PDZRN4: variants seen among roughly 807,000 people sequenced by gnomAD.
PDZRN4 encodes PDZ domain containing ring finger 4.
Under a neutral mutation model 99.0 loss-of-function variants are expected in PDZRN4, and 70 were observed. The observed-to-expected ratio is 0.71, with a 90% CI of 0.58 to 0.86. The LOEUF (loss-of-function observed/expected upper bound fraction) is 0.86. Ranked by LOEUF, PDZRN4 falls within the 40% of genes least tolerant of loss-of-function variation. The pLI, the probability that PDZRN4 is intolerant of heterozygous loss-of-function variation, is 0.00. For missense variants in PDZRN4, 1,474 were observed against 1,331.2 expected (o/e 1.11, Z -1.67); for synonymous variants, 551 against 501.6 (o/e 1.10, Z -1.32).
In PDZRN4 at chr12:41,421,514, G is replaced by C. The variant is rs78842750; in HGVS notation, c.844-84942G>C. On this transcript the variant is annotated intron_variant, in intron 3 of 9. Coordinates refer to ENST00000402685, the MANE Select transcript of PDZRN4 (RefSeq NM_001164595.2). ...AGCCTATTTGTATCTTTTTGTTTAG[G>C]ACTCTTGGAATGATAAAATAAATGT... 1.8e-3 allele frequency among the ~76,000 whole-genome samples: 269 copies of C among 152,108 alleles called. 2 individuals carry two copies. Among genetic ancestry groups the C allele is most frequent in the African/African-American group, 6.1e-3 (254 of 41,536 alleles).
intron 3 of PDZRN4, among the ~76,000 whole-genome samples, chr12:41,479,632 A>C (rs1937642115): frequency 6.6e-6 from 1 of 152,194 alleles, no homozygotes; most frequent in Non-Finnish European, 1.5e-5. Context: ...CAGAGAAAAG[A>C]GCTTCCTCTC....
intron 7 of PDZRN4, 41 bp downstream of exon 7, chr12:41,555,801 T>C (rs1478783322): frequency 2.8e-6 from 4 of 1,446,976 alleles, no homozygotes; most frequent in Non-Finnish European, 3.9e-6. Flanking sequence ...CCACGATCTG[T>C]CCAAAGTTAC....
chr12:41,242,506 A>G (rs538950939), intron 3 of PDZRN4, among the ~76,000 whole-genome samples: 45 of 152,358 alleles, frequency 3.0e-4, no homozygotes, highest in African/African-American at 9.9e-4. Context: ...TGATGGAAGC[A>G]CTGGACAAGG....
chr12:41,390,100 T>A (rs960636535), intron 3 of PDZRN4, among the ~76,000 whole-genome samples: 4 of 152,138 alleles, frequency 2.6e-5, no homozygotes, highest in African/African-American at 9.6e-5. Flanking sequence ...ATTAAAACCC[T>A]TTTTACAGTT....
At chr12:41,295,045 C>A (rs1951482362) in intron 3 of PDZRN4, among the ~76,000 whole-genome samples, 1 of 152,058 alleles carries the variant, frequency 6.6e-6, no homozygotes, top group Admixed American at 6.6e-5. Flanking sequence ...ATCAGTACCA[C>A]AGCAGAGACA....
intron 3 of PDZRN4, among the ~76,000 whole-genome samples, chr12:41,423,061 C>G (rs114802195): frequency 0.034 from 5,148 of 152,222 alleles, 116 homozygotes; most frequent in African/African-American, 0.072. Context: ...AACACAGACT[C>G]AACTATAGTT....
intron 5 of PDZRN4, among the ~76,000 whole-genome samples, chr12:41,549,176 C>T (rs1392387645): frequency 6.6e-6 from 1 of 152,078 alleles, no homozygotes; most frequent in African/African-American, 2.4e-5. Flanking sequence ...AGAAAATGTA[C>T]AGAGGTAGCA....
chr12:41,517,200 T>C (rs1350287889), intron 5 of PDZRN4, among the ~76,000 whole-genome samples: 1 of 152,086 alleles, frequency 6.6e-6, no homozygotes, highest in Non-Finnish European at 1.5e-5. Context: ...AAAAGTAAAT[T>C]GAACCTTCCA....
rs112729039 is a variant in PDZRN4, at chr12:41,421,910, C to T, written c.844-84546C>T. 4.9e-3 allele frequency among the ~76,000 whole-genome samples: 743 copies of T among 152,226 alleles called. 6 individuals carry two copies. The highest frequency in any genetic ancestry group is 0.016 in the African/African-American group (674 of 41,556). On this transcript the variant is annotated intron_variant, in intron 3 of 9. Transcript: ENST00000402685. The stretch of plus-strand genomic sequence containing the variant: ...TATATAAAATAGATCTCTTGACAAG[C>T]TAATATCCCGCAGTGATTAGTATGT...
At chr12:41,267,029 C>T (rs187483726) in intron 3 of PDZRN4, among the ~76,000 whole-genome samples, 42 of 152,296 alleles carry the variant, frequency 2.8e-4, no homozygotes, top group African/African-American at 9.4e-4. Flanking sequence ...GCATTCTTTG[C>T]TCATGAAACT....
intron 3 of PDZRN4, among the ~76,000 whole-genome samples, chr12:41,436,470 G>A (rs1374412222): frequency 6.6e-6 from 1 of 152,162 alleles, no homozygotes; most frequent in Non-Finnish European, 1.5e-5. Context: ...ATTCGTCAGT[G>A]ATAAGCAATT....
intron 5 of PDZRN4, among the ~76,000 whole-genome samples, chr12:41,522,218 T>C (rs920468609): frequency 6.6e-6 from 1 of 150,844 alleles, no homozygotes; most frequent in Non-Finnish European, 1.5e-5. Flanking sequence ...ATGTTTTTAG[T>C]TAATAATGAT....
At chr12:41,404,135 G>A (rs1952324820) in intron 3 of PDZRN4, among the ~76,000 whole-genome samples, 1 of 152,030 alleles carries the variant, frequency 6.6e-6, no homozygotes, top group Non-Finnish European at 1.5e-5. Flanking sequence ...TTGTTATGCT[G>A]TATCATTTTT....
intron 5 of PDZRN4, among the ~76,000 whole-genome samples, chr12:41,524,800 G>T (rs1938545144): frequency 6.6e-6 from 1 of 152,068 alleles, no homozygotes; most frequent in Non-Finnish European, 1.5e-5. Context: ...CGAATACACT[G>T]TCAAGTTTGG....
chr12:41,327,860 A>G (rs1951719987), intron 3 of PDZRN4, among the ~76,000 whole-genome samples: 2 of 152,112 alleles, frequency 1.3e-5, no homozygotes. Context: ...AGCTATAACT[A>G]TAAATGTGAG....
At chr12:41,530,240 G>A (rs1392149989) in intron 5 of PDZRN4, among the ~76,000 whole-genome samples, 1 of 152,176 alleles carries the variant, frequency 6.6e-6, no homozygotes, top group Admixed American at 6.5e-5. Context: ...TTCTGTGCAT[G>A]CCTGAACCAC....
intron 3 of PDZRN4, among the ~76,000 whole-genome samples, chr12:41,400,257 C>T (rs574868340): frequency 7.9e-5 from 12 of 152,080 alleles, no homozygotes; most frequent in Non-Finnish European, 1.3e-4. Flanking sequence ...GTAATAGACA[C>T]TATTGGTACT....
intron 3 of PDZRN4, among the ~76,000 whole-genome samples, chr12:41,395,220 C>T (rs574540965): frequency 2.0e-4 from 29 of 146,806 alleles, no homozygotes; most frequent in Non-Finnish European, 3.7e-4. Context: ...TATAGCCCCT[C>T]TTAATATGTA....
chr12:41,447,458 A>C, intron 3 of PDZRN4, among the ~76,000 whole-genome samples: 1 of 152,150 alleles, frequency 6.6e-6, no homozygotes, highest in Non-Finnish European at 1.5e-5. Context: ...CTTTTGAATC[A>C]AGCAGTCTTC....
Sources: allele counts gnomAD v4.1 joint callset (sites outside exome capture counted in the v4.1 genomes callset), GRCh38; gene constraint gnomAD v4.1.1; transcripts MANE v1.5; gene names NCBI Gene and HGNC (gene_info 2026-07-23, HGNC 2026-07-21).